SH3PXD2B: variants seen among roughly 807,000 people sequenced by gnomAD.
SH3PXD2B encodes SH3 and PX domain-containing protein 2B.
A neutral mutation model predicts 73.1 loss-of-function variants in SH3PXD2B; 37 were observed. The observed-to-expected ratio is 0.51, with a 90% CI of 0.39 to 0.67. The LOEUF (loss-of-function observed/expected upper bound fraction) is 0.67, where lower values mean the gene tolerates loss of function less well. Ranked by LOEUF, SH3PXD2B falls within the 30% of genes least tolerant of loss-of-function variation. The pLI is 0.00. For synonymous variants in SH3PXD2B, 457 were observed against 480.5 expected (o/e 0.95, Z 0.64); for missense variants, 1,053 against 1,197.8 (o/e 0.88, Z 1.78).
intron 3 of SH3PXD2B, among the ~76,000 whole-genome samples, chr5:172,395,657 A>C (rs995829476): frequency 5.3e-5 from 8 of 152,250 alleles, no homozygotes; most frequent in African/African-American, 1.9e-4. Flanking sequence ...TTGGGGAGAT[A>C]GTGGCGAAGC....
At chr5:172,361,172 T>G (rs944600405) in intron 7 of SH3PXD2B, among the ~76,000 whole-genome samples, 1 of 150,146 alleles carries the variant, frequency 6.7e-6, no homozygotes, top group Admixed American at 6.7e-5. Context: ...TACCTGTGTA[T>G]GTGTGAGTGT....
At position 172,346,337 on chromosome 5, in the gene SH3PXD2B, G is replaced by C. The variant is rs999135271; in HGVS notation, c.1063-76C>G. 24 of 1,605,116 alleles carry C rather than the reference G, an allele frequency of 1.5e-5. No individual in the cohort carries two copies. The African/African-American group carries it at 3.2e-4, about 21-fold the overall frequency. The stretch of plus-strand genomic sequence containing the variant: ...ACCCTGTGTCAGGGGGAGTCTAAGG[G>C]CCTGGGGCATGCAATCACCCTTAAG... On this transcript the variant is annotated intron_variant, in intron 11 of 12. Transcript: ENST00000311601.
Position 172,337,941 on chromosome 5 carries a change from A to T in SH3PXD2B, c.*428T>A. On this transcript the variant is annotated 3_prime_UTR_variant, in exon 13 of 13. Transcript: ENST00000311601. ...GCTTTTAGAAACATGAAGAAGTTGG[A>T]GCAAAAGTCATCATGGACTGGGTTG... 1 of 1,051,708 alleles carries T rather than the reference A, an allele frequency of 9.5e-7. No homozygotes were observed. The highest frequency in any genetic ancestry group is 1.7e-5 in the African/African-American group (1 of 59,548). 65.1% of individuals were successfully genotyped at this position (1,051,708 alleles called of 1,614,324 possible).
At chr5:172,425,055 AG>A (rs1759063895) in intron 1 of SH3PXD2B, among the ~76,000 whole-genome samples, 1 of 152,120 alleles carries the variant, frequency 6.6e-6, no homozygotes, top group African/African-American at 2.4e-5. Context: ...TTAGGAGGTA[AG>A]AGTCAGTCAT....
chr5:172,430,020 G>C (rs900215786), intron 1 of SH3PXD2B, among the ~76,000 whole-genome samples: 7 of 152,154 alleles, frequency 4.6e-5, no homozygotes, highest in African/African-American at 1.7e-4. Context: ...TTGTGCTCTT[G>C]GGAAAGTGGC....
At chr5:172,380,585 C>T (rs763315717) in intron 5 of SH3PXD2B, among the ~76,000 whole-genome samples, 61 of 152,278 alleles carry the variant, frequency 4.0e-4, no homozygotes, top group Middle Eastern at 3.4e-3. Context: ...GACACCAACG[C>T]CAAAGACACT....
intron 5 of SH3PXD2B, among the ~76,000 whole-genome samples, chr5:172,375,597 T>G (rs1007145177): frequency 6.6e-6 from 1 of 152,220 alleles, no homozygotes; most frequent in African/African-American, 2.4e-5. Context: ...ATAAATAGAA[T>G]CATATAATGT....
chr5:172,392,652 G>A (rs2113395230), intron 4 of SH3PXD2B, among the ~76,000 whole-genome samples: 1 of 152,162 alleles, frequency 6.6e-6, no homozygotes, highest in African/African-American at 2.4e-5. Flanking sequence ...AGGCATGGTG[G>A]TGGGTGCCTG....
At chr5:172,447,212 A>G (rs1417658486) in intron 1 of SH3PXD2B, among the ~76,000 whole-genome samples, 4 of 152,222 alleles carry the variant, frequency 2.6e-5, no homozygotes, top group Admixed American at 6.5e-5. Context: ...GAAAAAAAAA[A>G]GGAATGACAT....
At chr5:172,388,161 G>T (rs918592287) in intron 4 of SH3PXD2B, among the ~76,000 whole-genome samples, 4 of 152,184 alleles carry the variant, frequency 2.6e-5, no homozygotes, top group Non-Finnish European at 5.9e-5. Context: ...GTTAACTACT[G>T]TAACTTTACA....
chr5:172,453,036 G>C (rs1273382893), intron 1 of SH3PXD2B, among the ~76,000 whole-genome samples: 3 of 152,092 alleles, frequency 2.0e-5, no homozygotes, highest in African/African-American at 7.2e-5. Flanking sequence ...TGGAGAGCGC[G>C]GAGTGGGTTC....
rs200726088 is a variant in SH3PXD2B at position 172,338,506 on chromosome 5, T to C, written c.2599A>G (p.Thr867Ala). ...AVADFEGDKD[T>A]SSFQEGTVFE... ...ACTGTCCCTTCCTGGAAGCTGCTGG[T>C]GTCTTTGTCTCCTTCAAAGTCGGCC... Residue 867 changes from threonine to alanine, a missense_variant, in exon 13 of 13, where the codon ACC becomes GCC. Thr to Ala is a moderately conservative substitution (Grantham distance 58, BLOSUM62 0). This residue lies in a region of SH3PXD2B where 587 missense variants were observed against 590.7 expected (regional missense o/e 0.99). Coordinates refer to ENST00000311601, the MANE Select transcript of SH3PXD2B (RefSeq NM_001017995.3). The surrounding 1 kb of genome is among the most constrained non-coding windows in gnomAD (Gnocchi z 5.1). 2 of 1,614,228 alleles carry C rather than the reference T, an allele frequency of 1.2e-6. No individual in the cohort carries two copies. The highest frequency in any genetic ancestry group is 2.2e-5 in the East Asian group (1 of 44,878).
In SH3PXD2B at chr5:172,345,989, A is replaced by G. The variant is rs1336952028; in HGVS notation, c.1188+147T>C. The G allele has an allele frequency of 4.8e-6, 6 of 1,263,016 alleles. No individual in the cohort carries two copies. In the East Asian group the frequency reaches 7.2e-5, roughly 15 times the overall value. The allele number at this position is 1,263,016 out of a possible 1,614,324, so 78.2% of individuals were successfully genotyped here. ...CGCTGAATTTTACACTTAAAATTGT[A>G]AACTGTATGGTATGTGAACCATAAA... On this transcript the variant is annotated intron_variant, in intron 12 of 12. Transcript: ENST00000311601.
chr5:172,381,700 C>T (rs1376333344), intron 5 of SH3PXD2B, among the ~76,000 whole-genome samples: 5 of 152,222 alleles, frequency 3.3e-5, no homozygotes, highest in Non-Finnish European at 7.3e-5. Flanking sequence ...GCACACCCAC[C>T]TCCACCTCTG....
chr5:172,435,489 G>T (rs1328993304), intron 1 of SH3PXD2B, among the ~76,000 whole-genome samples: 2 of 152,104 alleles, frequency 1.3e-5, no homozygotes, highest in African/African-American at 4.8e-5. Context: ...GAGTACAGTG[G>T]TGTAATCACA....
chr5:172,435,886 G>A (rs896347378), intron 1 of SH3PXD2B, among the ~76,000 whole-genome samples: 3 of 152,214 alleles, frequency 2.0e-5, no homozygotes, highest in Admixed American at 2.0e-4. Flanking sequence ...TGCAGGGGCT[G>A]TGAGAAAGCA....
intron 11 of SH3PXD2B, 49 bp downstream of exon 11, chr5:172,347,234 C>G: frequency 6.9e-6 from 11 of 1,600,654 alleles, no homozygotes; most frequent in Non-Finnish European, 9.4e-6. Context: ...GGACACCCCT[C>G]ACAGCCCTCA....
Position 172,336,443 on chromosome 5 carries a change from G to C in SH3PXD2B, c.*1926C>G. 1 of 985,990 alleles carries C rather than the reference G, an allele frequency of 1.0e-6. No homozygotes were observed. The highest frequency in any genetic ancestry group is 1.2e-6 in the Non-Finnish European group (1 of 830,034). The allele number at this position is 985,990 out of a possible 1,614,324, so 61.1% of individuals were successfully genotyped here. A position where few individuals can be genotyped will look rare whatever the true frequency, so the allele number is the denominator to read the frequency against. On this transcript the variant is annotated 3_prime_UTR_variant, in exon 13 of 13. Coordinates refer to ENST00000311601, the MANE Select transcript of SH3PXD2B (RefSeq NM_001017995.3). ...CCTGCCCAAGCCTCTCTGGGAAATG[G>C]GATTTGCAGGCCGACTGGACGAAGG...
intron 9 of SH3PXD2B, among the ~76,000 whole-genome samples, chr5:172,351,361 C>T (rs1757155843): frequency 6.6e-6 from 1 of 152,162 alleles, no homozygotes; most frequent in Non-Finnish European, 1.5e-5. Context: ...CTCCTAGACT[C>T]AAGTGATCTT....
Sources: gnomAD v4.1 joint callset for allele counts (sites outside exome capture counted in the v4.1 genomes callset) on GRCh38, gnomAD v4.1.1 for gene constraint, gnomAD v4.1.1 regional missense constraint, Gnocchi (gnomAD v3.1) non-coding constraint, MANE v1.5 for transcripts, NCBI Gene and HGNC (gene_info 2026-07-23, HGNC 2026-07-21) for gene names.